TSHZ2: variants seen among roughly 807,000 people sequenced by gnomAD.
TSHZ2 encodes teashirt homolog 2.
In TSHZ2, 21 loss-of-function variants were observed where a neutral mutation model predicts 74.4. The observed-to-expected ratio is 0.28, with a 90% CI of 0.20 to 0.41. The LOEUF (loss-of-function observed/expected upper bound fraction) is 0.41, where lower values mean the gene tolerates loss of function less well. Ranked by LOEUF, TSHZ2 falls within the 10% of genes least tolerant of loss-of-function variation. TSHZ2 has a pLI of 1.00. For missense variants in TSHZ2, 1,244 were observed against 1,293.5 expected (o/e 0.96, Z 0.59); for synonymous variants, 540 against 515.3 (o/e 1.05, Z -0.65).
chr20:53,435,505 C>CTTGTTTTTTT (rs1984016336), intron 2 of TSHZ2, among the ~76,000 whole-genome samples: 1 of 152,096 alleles, frequency 6.6e-6, no homozygotes, highest in Non-Finnish European at 1.5e-5. Flanking sequence ...TAACAGGGAA[C>CTTGTTTTTTT]TTTTTTTAAA....
intron 1 of TSHZ2, among the ~76,000 whole-genome samples, chr20:53,066,227 G>T (rs1224362282): frequency 6.6e-6 from 1 of 152,014 alleles, no homozygotes. Context: ...AACTCAAGGG[G>T]AAGGGTTGGT....
intron 2 of TSHZ2, among the ~76,000 whole-genome samples, chr20:53,416,086 C>G (rs550228279): frequency 1.3e-5 from 2 of 152,208 alleles, no homozygotes; most frequent in South Asian, 4.2e-4. Flanking sequence ...CTGGCACCCA[C>G]GTGAAGGGCA....
chr20:53,425,341 A>C (rs1983617581), intron 2 of TSHZ2, among the ~76,000 whole-genome samples: 1 of 152,218 alleles, frequency 6.6e-6, no homozygotes, highest in Non-Finnish European at 1.5e-5. Flanking sequence ...ATTCACTCAG[A>C]GGGACTTCCA....
chr20:53,015,800 G>A (rs1983017465), intron 1 of TSHZ2, among the ~76,000 whole-genome samples: 1 of 152,130 alleles, frequency 6.6e-6, no homozygotes, highest in Admixed American at 6.6e-5. Context: ...CAGGATGGGA[G>A]GGTGAGAAGT....
chr20:53,438,452 C>T (rs16998100), intron 2 of TSHZ2, among the ~76,000 whole-genome samples: 11,383 of 152,112 alleles, frequency 0.075, 539 homozygotes, highest in South Asian at 0.23. Context: ...CAAGTTGAGC[C>T]GTCATAATAA....
At chr20:53,280,667 TG>T (rs1416389029) in intron 2 of TSHZ2, among the ~76,000 whole-genome samples, 246 of 131,592 alleles carry the variant, frequency 1.9e-3, no homozygotes, top group African/African-American at 9.6e-3. Context: ...GTTTGTTTTT[TG>T]TTGTTGTTGT....
At chr20:52,995,651 C>T (rs1441266847) in intron 1 of TSHZ2, among the ~76,000 whole-genome samples, 22 of 143,386 alleles carry the variant, frequency 1.5e-4, no homozygotes, top group African/African-American at 4.9e-4. Context: ...CTCGCTCTGT[C>T]GCCCAGGCTG....
Position 53,223,214 on chromosome 20 carries a change from G to A in TSHZ2, c.41-30285G>A, listed in dbSNP as rs181481404. The stretch of plus-strand genomic sequence containing the variant: ...TCTATCAGGTTTTATTACCACCTAT[G>A]GCAGGATTTCCCAAGTATGATATAG... On this transcript the variant is annotated intron_variant, in intron 1 of 2. Coordinates refer to ENST00000371497, the MANE Select transcript of TSHZ2 (RefSeq NM_173485.6). Among the ~76,000 whole-genome samples the A allele has an allele frequency of 2.0e-5, 3 of 151,934 alleles. No homozygotes were observed. The East Asian group carries it at 5.8e-4, about 29-fold the overall frequency.
At chr20:53,179,682 C>A (rs906943315) in intron 1 of TSHZ2, 4 of 152,346 alleles carry the variant, frequency 2.6e-5, no homozygotes, top group East Asian at 1.9e-4. Context: ...ATTGTCCAGG[C>A]GGCCTTGCCT....
intron 1 of TSHZ2, among the ~76,000 whole-genome samples, chr20:53,169,550 C>G (rs2066344970): frequency 6.6e-6 from 1 of 152,164 alleles, no homozygotes; most frequent in South Asian, 2.1e-4. Flanking sequence ...TTAACTACAT[C>G]GCCAAGGCTA....
At chr20:53,437,001 C>G (rs946760407) in intron 2 of TSHZ2, among the ~76,000 whole-genome samples, 1 of 152,196 alleles carries the variant, frequency 6.6e-6, no homozygotes, top group African/African-American at 2.4e-5. Flanking sequence ...AAGCCCTGCT[C>G]AAACACCACC....
At chr20:53,120,793 A>G (rs139668729) in intron 1 of TSHZ2, among the ~76,000 whole-genome samples, 53 of 152,320 alleles carry the variant, frequency 3.5e-4, no homozygotes, top group African/African-American at 1.2e-3. Context: ...ACACATTTGT[A>G]TTTTGCCAAG....
intron 2 of TSHZ2, among the ~76,000 whole-genome samples, chr20:53,430,881 G>A (rs1321984370): frequency 2.6e-5 from 4 of 151,774 alleles, no homozygotes; most frequent in South Asian, 2.1e-4. Context: ...TCAGCCTCCC[G>A]ACTAGCTGGG....
intron 2 of TSHZ2, among the ~76,000 whole-genome samples, chr20:53,340,651 G>A (rs1171253653): frequency 6.6e-6 from 1 of 152,212 alleles, no homozygotes; most frequent in Non-Finnish European, 1.5e-5. Context: ...TCCCCATGTA[G>A]CCTTCACAGT....
chr20:53,025,349 C>T (rs989791302), intron 1 of TSHZ2, among the ~76,000 whole-genome samples: 1 of 151,992 alleles, frequency 6.6e-6, no homozygotes, highest in Non-Finnish European at 1.5e-5. Context: ...ATCTGGTTGT[C>T]AATTATTATT....
At chr20:52,980,779 G>A (rs1981534838) in intron 1 of TSHZ2, among the ~76,000 whole-genome samples, 1 of 152,132 alleles carries the variant, frequency 6.6e-6, no homozygotes, top group South Asian at 2.1e-4. Flanking sequence ...ATACAAAAAT[G>A]AGACAGAGGG....
intron 1 of TSHZ2, among the ~76,000 whole-genome samples, chr20:52,989,760 T>C (rs1459885600): frequency 6.6e-6 from 1 of 152,138 alleles, no homozygotes; most frequent in Non-Finnish European, 1.5e-5. Flanking sequence ...TATTTATAGT[T>C]TTACATGCAT....
At chr20:53,202,204 A>G (rs183299627) in intron 1 of TSHZ2, among the ~76,000 whole-genome samples, 1 of 152,304 alleles carries the variant, frequency 6.6e-6, no homozygotes, top group Non-Finnish European at 1.5e-5. Context: ...TGATTGGAGC[A>G]TTGTAGAGGG....
intron 2 of TSHZ2, among the ~76,000 whole-genome samples, chr20:53,334,118 T>C (rs746861097): frequency 8.5e-5 from 13 of 152,180 alleles, no homozygotes; most frequent in Non-Finnish European, 1.6e-4. Context: ...GTTGATATAA[T>C]GGAGAGCAAA....
Sources: gnomAD v4.1 joint callset for allele counts (sites outside exome capture counted in the v4.1 genomes callset) on GRCh38, gnomAD v4.1.1 for gene constraint, MANE v1.5 for transcripts, NCBI Gene and HGNC (gene_info 2026-07-23, HGNC 2026-07-21) for gene names.